The following NDE1 variants were observed in gnomAD, a reference collection of about 807,000 sequenced individuals.
NDE1 encodes the protein nudE neurodevelopment protein 1.
Under a neutral mutation model 43.4 loss-of-function variants are expected in NDE1, and 28 were observed. The ratio of observed to expected loss-of-function variants is 0.65; its 90% confidence interval spans 0.48 to 0.89. NDE1 has a LOEUF of 0.89. Ranked by LOEUF, NDE1 falls within the 40% of genes least tolerant of loss-of-function variation. The pLI, the probability that NDE1 is intolerant of heterozygous loss-of-function variation, is 0.00. For synonymous variants in NDE1, 184 were observed against 172.0 expected (o/e 1.07, Z -0.55); for missense variants, 441 against 434.1 (o/e 1.02, Z -0.14).
At chr16:15,722,568 C>T (rs528794583) in intron 8 of NDE1, among the ~76,000 whole-genome samples, 1 of 152,158 alleles carries the variant, frequency 6.6e-6, no homozygotes, top group Non-Finnish European at 1.5e-5. Flanking sequence ...AAAGCAACCT[C>T]AGGCCTTCAA....
upstream of NDE1, among the ~76,000 whole-genome samples, chr16:15,647,551 C>A (rs796180477): frequency 6.6e-6 from 1 of 152,158 alleles, no homozygotes; most frequent in East Asian, 1.9e-4. Flanking sequence ...TCTGAAGTGA[C>A]CCCTCCCAGC....
At chr16:15,704,145 A>ATTAT (rs1055513863) in intron 8 of NDE1, 2 of 1,613,536 alleles carry the variant, frequency 1.2e-6, no homozygotes, top group East Asian at 4.5e-5. Context: ...AAGAAAACAC[A>ATTAT]TTATTTAGCA....
At chr16:15,683,635 G>A (rs555054959) in intron 4 of NDE1, among the ~76,000 whole-genome samples, 220 of 152,192 alleles carry the variant, frequency 1.4e-3, no homozygotes, top group African/African-American at 5.1e-3. Context: ...CACTAAATAT[G>A]CTTTTATACA....
At chr16:15,712,682 A>G (rs924400743) in intron 8 of NDE1, among the ~76,000 whole-genome samples, 2 of 151,824 alleles carry the variant, frequency 1.3e-5, no homozygotes, top group Admixed American at 1.3e-4. Context: ...AAGAGGGACA[A>G]CCCCACAGGT....
At chr16:15,700,696 C>A (rs1007236499) in intron 8 of NDE1, among the ~76,000 whole-genome samples, 1 of 151,948 alleles carries the variant, frequency 6.6e-6, no homozygotes, top group Non-Finnish European at 1.5e-5. Context: ...AGTGATCCTC[C>A]CGCCTCAGCC....
chr16:15,719,496 T>C, intron 8 of NDE1: 4 of 1,591,974 alleles, frequency 2.5e-6, no homozygotes, highest in Non-Finnish European at 3.4e-6. Flanking sequence ...GAGGACGAAA[T>C]GAAATCTGGG....
chr16:15,689,590 A>T (rs1223552892), intron 5 of NDE1, among the ~76,000 whole-genome samples: 4 of 152,112 alleles, frequency 2.6e-5, no homozygotes, highest in African/African-American at 7.2e-5. Context: ...TTAATAAAAA[A>T]TTTTCTTGTT....
At position 15,700,005 on chromosome 16, in the gene NDE1, G is replaced by C. The variant is rs1596644639; in HGVS notation, c.947+3145G>C. On this transcript the variant is annotated intron_variant, in intron 8 of 8. Coordinates refer to ENST00000396354, the MANE Select transcript of NDE1 (RefSeq NM_017668.3). ...CCTGTGCTCTGGGGTTTGTCCCTGG[G>C]AAATGTCTTTTCATCCTTACCTGCC... The C allele has an allele frequency of 4.2e-6, 5 of 1,186,726 alleles. No homozygotes were observed. The South Asian group carries it at 7.9e-5, about 19-fold the overall frequency. The allele number at this position is 1,186,726 out of a possible 1,614,324, so 73.5% of individuals were successfully genotyped here.
At chr16:15,707,839 G>GC (rs879708594) in intron 8 of NDE1, among the ~76,000 whole-genome samples, 1 of 152,068 alleles carries the variant, frequency 6.6e-6, no homozygotes, top group Non-Finnish European at 1.5e-5. Context: ...GGGCGAGGTG[G>GC]CGGGAGCCTG....
intron 1 of NDE1, among the ~76,000 whole-genome samples, chr16:15,654,568 T>A (rs1189358526): frequency 8.3e-6 from 1 of 119,824 alleles, no homozygotes. Context: ...ACCACTGCAC[T>A]CCAGCCTGGG....
At chr16:15,645,883 C>G (rs1264627684), upstream of NDE1, among the ~76,000 whole-genome samples, 1 of 152,176 alleles carries the variant, frequency 6.6e-6, no homozygotes, top group East Asian at 1.9e-4. Flanking sequence ...AATCTTCTAC[C>G]TGTATTAGGT....
chr16:15,662,584 CT>C (rs1026171600), intron 1 of NDE1, among the ~76,000 whole-genome samples: 4 of 151,682 alleles, frequency 2.6e-5, no homozygotes, highest in African/African-American at 9.7e-5. Context: ...TGCCTGGTCT[CT>C]TTTCTTTTTT....
At chr16:15,662,092 C>A (rs1452250724) in intron 1 of NDE1, among the ~76,000 whole-genome samples, 2 of 151,850 alleles carry the variant, frequency 1.3e-5, no homozygotes, top group Non-Finnish European at 1.5e-5. Flanking sequence ...TTGCACCACA[C>A]CAGTCTAATT....
intron 8 of NDE1, chr16:15,718,682 T>A: frequency 1.7e-6 from 1 of 586,946 alleles, no homozygotes; most frequent in Non-Finnish European, 3.0e-6. Context: ...CCCTGACTCT[T>A]CCTGGCCTCC....
intron 8 of NDE1, among the ~76,000 whole-genome samples, chr16:15,704,491 G>A (rs1384366321): frequency 6.6e-6 from 1 of 152,198 alleles, no homozygotes; most frequent in Non-Finnish European, 1.5e-5. Context: ...CAAAAACCAA[G>A]CAGGGGATTT....
chr16:15,686,878 A>G (rs1323590620), intron 4 of NDE1: 1 of 633,354 alleles, frequency 1.6e-6, no homozygotes, highest in African/African-American at 2.0e-5. Context: ...TAGTAGAGAC[A>G]GGATTTTGCC....
At chr16:15,649,609 C>T (rs1192459475), upstream of NDE1, 1 of 152,330 alleles carries the variant, frequency 6.6e-6, no homozygotes, top group African/African-American at 2.4e-5. Flanking sequence ...CAGGCGTGAC[C>T]ACCGCGCCAG....
intron 7 of NDE1, 84 bp from the exon 8 acceptor site, chr16:15,696,623 CTG>C: frequency 6.2e-7 from 1 of 1,608,346 alleles, no homozygotes; most frequent in Non-Finnish European, 8.5e-7. Context: ...GAACCACTGT[CTG>C]GGGTTCGTTC....
At chr16:15,681,896 C>G (rs574019053) in intron 4 of NDE1, among the ~76,000 whole-genome samples, 28 of 151,854 alleles carry the variant, frequency 1.8e-4, no homozygotes, top group African/African-American at 6.5e-4. Flanking sequence ...GTATTTTTAG[C>G]GGAGATGGGG....
Sources: allele counts gnomAD v4.1 joint callset (sites outside exome capture counted in the v4.1 genomes callset), GRCh38; gene constraint gnomAD v4.1.1; transcripts MANE v1.5; gene names NCBI Gene and HGNC (gene_info 2026-07-23, HGNC 2026-07-21).